CCNH: variants seen among roughly 807,000 people sequenced by gnomAD.
The protein encoded by CCNH is cyclin-H.
In CCNH, 31 loss-of-function variants were observed where a neutral mutation model predicts 41.9. The ratio of observed to expected loss-of-function variants is 0.74; its 90% CI spans 0.56 to 1.00. CCNH has a LOEUF of 1.00. CCNH is among the 50% of genes least tolerant of loss of function. The pLI is 0.00. For synonymous variants in CCNH, 138 were observed against 136.1 expected (o/e 1.01, Z -0.10); for missense variants, 362 against 388.4 (o/e 0.93, Z 0.57).
chr5:87,359,542 A>G (rs1158334540), intron 9 of CCNH, among the ~76,000 whole-genome samples: 1 of 152,194 alleles, frequency 6.6e-6, no homozygotes, highest in Admixed American at 6.5e-5. Context: ...CTTGGAATCA[A>G]GTATTTAAAT....
chr5:87,393,464 T>TA (rs1762670854), downstream of CCNH: 1 of 152,200 alleles, frequency 6.6e-6, no homozygotes, highest in Non-Finnish European at 1.5e-5. Context: ...AACTGGCACT[T>TA]AGAGGTTTAA....
chr5:87,337,964 C>T, intron 9 of CCNH: 1 of 1,601,634 alleles, frequency 6.2e-7, no homozygotes, highest in East Asian at 2.3e-5. Flanking sequence ...TTTAAAATTG[C>T]TATTTTCAGT....
intron 5 of CCNH, among the ~76,000 whole-genome samples, chr5:87,402,553 G>T (rs192270226): frequency 1.3e-5 from 2 of 152,096 alleles, no homozygotes; most frequent in East Asian, 3.9e-4. Context: ...TTTTCTCTTG[G>T]GGGTAATAGT....
chr5:87,387,032 T>C, downstream of CCNH: 1 of 817,008 alleles, frequency 1.2e-6, no homozygotes, highest in Middle Eastern at 3.6e-4. Flanking sequence ...CTGCAAATTT[T>C]TGTCTGCCTT....
At chr5:87,342,562 A>G (rs949314798) in intron 9 of CCNH, among the ~76,000 whole-genome samples, 10 of 152,174 alleles carry the variant, frequency 6.6e-5, no homozygotes, top group Admixed American at 1.3e-4. Context: ...AGACACAATA[A>G]TCTTGATCTT....
intron 1 of CCNH, chr5:87,412,399 G>C: frequency 8.4e-7 from 1 of 1,192,572 alleles, no homozygotes; most frequent in East Asian, 4.1e-5. Flanking sequence ...ACAAGTGAAC[G>C]GCTCTTGCCA....
chr5:87,379,890 CTA>C (rs763150545), upstream of CCNH: 2 of 1,584,736 alleles, frequency 1.3e-6, no homozygotes, highest in Admixed American at 3.4e-5. Flanking sequence ...AATTGTGTAT[CTA>C]TGTCTTCAGA....
downstream of CCNH, chr5:87,392,601 T>C (rs1431084259): frequency 7.4e-6 from 2 of 269,750 alleles, no homozygotes; most frequent in Non-Finnish European, 1.5e-5. Flanking sequence ...ATTTTTGCTG[T>C]GCACTTTGGC....
rs115006602 is a variant in CCNH at position 87,332,715 on chromosome 5, G to A, written c.*91-13818C>T. ...CAATAATGGTTTTAGCTATTGCTCA[G>A]TTTCTTATGTTTATTATAATTCAAG... On this transcript the variant is annotated intron_variant and NMD_transcript_variant, in intron 9 of 9. Coordinates refer to the CCNH transcript ENST00000645953. The A allele has an allele frequency of 6.6e-4, 903 of 1,366,808 alleles. 9 individuals carry two copies. In the African/African-American group the frequency reaches 0.012, roughly 19 times the overall value. The allele number at this position is 1,366,808 out of a possible 1,614,324, so 84.7% of individuals were successfully genotyped here.
chr5:87,408,481 A>G (rs1397569900), intron 3 of CCNH, among the ~76,000 whole-genome samples: 1 of 152,184 alleles, frequency 6.6e-6, no homozygotes, highest in Non-Finnish European at 1.5e-5. Flanking sequence ...TATCTGGAAA[A>G]ACAAATTAAC....
chr5:87,371,599 C>T (rs1406700031), downstream of CCNH, among the ~76,000 whole-genome samples: 1 of 151,938 alleles, frequency 6.6e-6, no homozygotes, highest in Non-Finnish European at 1.5e-5. Context: ...TTAAAAATAA[C>T]CCAAATCCCC....
At chr5:87,356,423 G>A (rs937080968) in intron 9 of CCNH, among the ~76,000 whole-genome samples, 5 of 150,636 alleles carry the variant, frequency 3.3e-5, no homozygotes, top group African/African-American at 7.3e-5. Context: ...AGGGTCTTGC[G>A]CTGTGGCTGA....
In CCNH at chr5:87,401,775, A is replaced by C. The variant is rs753216643; in HGVS notation, c.690-3T>G. 7 of 1,544,142 alleles carry C rather than the reference A, an allele frequency of 4.5e-6. No homozygotes were observed. The highest frequency in any genetic ancestry group is 5.2e-6 in the Non-Finnish European group (6 of 1,143,490). ...GCATCAGACTCTCTGATAAATAACT[A>C]GTAAAGAAAAGAAAAAAAAATCTAT... is the stretch of plus-strand genomic sequence containing the variant. On this transcript the variant is annotated splice_polypyrimidine_tract_variant and splice_region_variant and intron_variant, in intron 5 of 8. Transcript: ENST00000256897.
At chr5:87,355,127 A>G (rs1215909505) in intron 9 of CCNH, among the ~76,000 whole-genome samples, 1 of 152,224 alleles carries the variant, frequency 6.6e-6, no homozygotes, top group Admixed American at 6.5e-5. Context: ...TTTCCAGAAG[A>G]TAACTAGCAA....
chr5:87,376,784 A>G, exon 1 of CCNH: 9 of 1,325,798 alleles, frequency 6.8e-6, no homozygotes, highest in Non-Finnish European at 9.6e-6. Flanking sequence ...ATCATTTTAA[A>G]TATAAGAACT....
chr5:87,370,857 G>A (rs753694037), intron 9 of CCNH, among the ~76,000 whole-genome samples: 37 of 152,070 alleles, frequency 2.4e-4, no homozygotes, highest in South Asian at 4.1e-4. Context: ...AGATCCTAGC[G>A]TGAGACTCAC....
chr5:87,389,688 C>T (rs1052058836), downstream of CCNH, among the ~76,000 whole-genome samples: 31 of 152,116 alleles, frequency 2.0e-4, no homozygotes, highest in Non-Finnish European at 4.1e-4. Flanking sequence ...AATAACGGGC[C>T]CCGACTAAAA....
intron 9 of CCNH, among the ~76,000 whole-genome samples, chr5:87,362,187 A>C (rs747251432): frequency 6.6e-6 from 1 of 152,238 alleles, no homozygotes; most frequent in Non-Finnish European, 1.5e-5. Flanking sequence ...CTTTATGCTT[A>C]CATTGGTTCC....
chr5:87,360,459 G>A (rs1468974096), intron 9 of CCNH, among the ~76,000 whole-genome samples: 2 of 152,138 alleles, frequency 1.3e-5, no homozygotes, highest in Non-Finnish European at 2.9e-5. Flanking sequence ...TTGTTGGAGA[G>A]TACAGTGTCC....
Sources: gnomAD v4.1 joint callset for allele counts (sites outside exome capture counted in the v4.1 genomes callset) on GRCh38, gnomAD v4.1.1 for gene constraint, MANE v1.5 for transcripts, NCBI Gene and HGNC (gene_info 2026-07-23, HGNC 2026-07-21) for gene names.